Variants in IGF1R observed in about 807,000 individuals in gnomAD.
IGF1R encodes insulin-like growth factor 1 receptor.
Under a neutral mutation model 144.6 loss-of-function variants are expected in IGF1R, and 44 were observed. The ratio of observed to expected loss-of-function variants is 0.30; its 90% CI spans 0.24 to 0.39. The LOEUF (loss-of-function observed/expected upper bound fraction) is 0.39, where lower values mean the gene tolerates loss of function less well. Ranked by LOEUF, IGF1R falls within the 10% of genes least tolerant of loss-of-function variation. IGF1R has a pLI of 1.00. For missense variants in IGF1R, 1,355 were observed against 1,833.7 expected (o/e 0.74, Z 4.77); for synonymous variants, 795 against 722.8 (o/e 1.10, Z -1.60).
intron 12 of IGF1R, among the ~76,000 whole-genome samples, 171 bp downstream of exon 12, chr15:98,924,183 A>G (rs1412313021): frequency 6.6e-6 from 1 of 152,258 alleles, no homozygotes; most frequent in African/African-American, 2.4e-5. Context: ...TCCAAGGAGT[A>G]CTGCATAGTG....
chr15:98,668,021 T>G (rs544909691), intron 1 of IGF1R, among the ~76,000 whole-genome samples: 1 of 152,234 alleles, frequency 6.6e-6, no homozygotes, highest in East Asian at 1.9e-4. Flanking sequence ...CACAGACTTA[T>G]GTTTCTCACA....
rs1006767897 is a variant in IGF1R, at chr15:98,704,084, C to T, written c.95-3478C>T. On this transcript the variant is annotated intron_variant, in intron 1 of 20. Transcript: ENST00000650285. This position sits in a 1 kb window ranked among gnomAD's most constrained non-coding sequence, Gnocchi z 4.9. ...CCAGGGGAAAAAAGACCCTCCCGGCCCCCTTCAGCTGTGATGTGTCTTTTC... is the reference window on the plus strand; with the variant it reads ...CCAGGGGAAAAAAGACCCTCCCGGCTCCCTTCAGCTGTGATGTGTCTTTTC... 2.0e-4 allele frequency among the ~76,000 whole-genome samples: 30 copies of T among 152,168 alleles called. No homozygotes were observed. The highest frequency in any genetic ancestry group is 7.0e-4 in the African/African-American group (29 of 41,444).
At chr15:98,824,781 TCTC>T (rs1168209059) in intron 2 of IGF1R, among the ~76,000 whole-genome samples, 3 of 152,204 alleles carry the variant, frequency 2.0e-5, no homozygotes, top group Non-Finnish European at 2.9e-5. Flanking sequence ...CTGCAGTCAC[TCTC>T]CTAAGACTTG....
In IGF1R at chr15:98,943,161, A is replaced by C. The variant is rs2151719404; in HGVS notation, c.3587+109A>C. 5.4e-6 allele frequency: 7 copies of C among 1,301,560 alleles called. No individual in the cohort carries two copies. In the South Asian group the frequency reaches 7.2e-5, roughly 13 times the overall value. 80.6% of individuals were successfully genotyped at this position (1,301,560 alleles called of 1,614,324 possible). A position where few individuals can be genotyped will look rare whatever the true frequency, so the allele number is the denominator to read the frequency against. The stretch of plus-strand genomic sequence containing the variant: ...TCTCTGTTCATTGTTACCCGTTGCC[A>C]GCTTTAGCTCAGTGTTGTGTGAGCC... On this transcript the variant is annotated intron_variant, in intron 19 of 20. Coordinates refer to ENST00000650285, the MANE Select transcript of IGF1R (RefSeq NM_000875.5).
intron 1 of IGF1R, among the ~76,000 whole-genome samples, chr15:98,688,580 G>A (rs1024649594): frequency 6.6e-6 from 1 of 152,184 alleles, no homozygotes; most frequent in African/African-American, 2.4e-5. Flanking sequence ...TAGACAGCAT[G>A]AGACCAGAGC....
intron 1 of IGF1R, among the ~76,000 whole-genome samples, chr15:98,706,977 A>G (rs545898451): frequency 4.3e-4 from 66 of 152,262 alleles, no homozygotes; most frequent in South Asian, 2.7e-3. Context: ...ACATTAATGC[A>G]CGTGTGGAGA....
Position 98,649,190 on chromosome 15 carries a change from A to G in IGF1R, c.-392A>G, listed in dbSNP as rs1277129449. ...GCGTCCGGCCGCCTCCCGCGCGGCC[A>G]GGGCCGGGCTTGTTTTTCCTCGCCT... is the stretch of plus-strand genomic sequence containing the variant. On this transcript the variant is annotated 5_prime_UTR_variant, in exon 1 of 21. Transcript: ENST00000650285. The G allele has an allele frequency of 4.6e-6, 1 of 218,900 alleles. No individual in the cohort carries two copies. Among genetic ancestry groups the G allele is most frequent in the Non-Finnish European group, 9.2e-6 (1 of 109,054 alleles). The allele number at this position is 218,900 out of a possible 1,614,324, so 13.6% of individuals were successfully genotyped here.
intron 2 of IGF1R, among the ~76,000 whole-genome samples, chr15:98,802,599 A>G (rs556773566): frequency 6.6e-6 from 1 of 152,244 alleles, no homozygotes; most frequent in Non-Finnish European, 1.5e-5. Context: ...GGTTGCTTGT[A>G]TGCACGAATT....
At chr15:98,841,427 A>C (rs2684775) in intron 2 of IGF1R, among the ~76,000 whole-genome samples, 1 of 152,226 alleles carries the variant, frequency 6.6e-6, no homozygotes, top group African/African-American at 2.4e-5. Flanking sequence ...AAGTTTTTAG[A>C]ATAGTACCTG....
intron 2 of IGF1R, among the ~76,000 whole-genome samples, chr15:98,826,248 T>TA (rs1385635383): frequency 5.9e-5 from 9 of 152,354 alleles, no homozygotes; most frequent in Admixed American, 5.9e-4. Context: ...TCTAAATATT[T>TA]AAAAACCAAA....
intron 2 of IGF1R, among the ~76,000 whole-genome samples, chr15:98,746,199 A>G (rs548227215): frequency 6.6e-6 from 1 of 152,308 alleles, no homozygotes; most frequent in South Asian, 2.1e-4. Flanking sequence ...TAGAAGGGAA[A>G]CCAAGTAACT....
chr15:98,883,400 A>G (rs113677916), intron 2 of IGF1R, among the ~76,000 whole-genome samples: 3 of 152,318 alleles, frequency 2.0e-5, no homozygotes, highest in African/African-American at 7.2e-5. Context: ...GTGTATGTGC[A>G]GCATTTGGTT....
At chr15:98,851,369 A>C (rs2011520876) in intron 2 of IGF1R, among the ~76,000 whole-genome samples, 1 of 152,170 alleles carries the variant, frequency 6.6e-6, no homozygotes. Flanking sequence ...TTACGTTTTC[A>C]GCTTGGACAG....
At chr15:98,672,527 G>A (rs1401334543) in intron 1 of IGF1R, among the ~76,000 whole-genome samples, 1 of 143,850 alleles carries the variant, frequency 7.0e-6, no homozygotes, top group African/African-American at 2.6e-5. Flanking sequence ...ACAAGATGGC[G>A]CCATTGCACT....
Position 98,841,841 on chromosome 15 carries a change from G to A in IGF1R, c.641-49484G>A, listed in dbSNP as rs570780287. ...GGAACATGGAGCACCACTCTCCCCT[G>A]TGCTGATACACTTACAAAGAAGTTC... On this transcript the variant is annotated intron_variant, in intron 2 of 20. Coordinates refer to ENST00000650285, the MANE Select transcript of IGF1R (RefSeq NM_000875.5). 3.9e-5 allele frequency among the ~76,000 whole-genome samples: 6 copies of A among 152,296 alleles called. No homozygotes were observed. In the East Asian group the frequency reaches 7.7e-4, roughly 20 times the overall value.
At chr15:98,701,369 T>C (rs1487995826) in intron 1 of IGF1R, among the ~76,000 whole-genome samples, 17 of 141,858 alleles carry the variant, frequency 1.2e-4, no homozygotes, top group Admixed American at 7.3e-4. Flanking sequence ...TGGAGTCTCG[T>C]TCTGTCACCC....
At chr15:98,880,156 A>G (rs1949069073) in intron 2 of IGF1R, among the ~76,000 whole-genome samples, 1 of 152,216 alleles carries the variant, frequency 6.6e-6, no homozygotes, top group South Asian at 2.1e-4. Flanking sequence ...ATTGTAAAAA[A>G]TGTGTGAAGG....
intron 2 of IGF1R, among the ~76,000 whole-genome samples, chr15:98,831,304 T>C (rs971024451): frequency 6.6e-6 from 1 of 152,230 alleles, no homozygotes; most frequent in East Asian, 1.9e-4. Flanking sequence ...ATTTTCACTT[T>C]CTCTCCACCA....
rs546421155 is a variant in IGF1R at position 98,836,024 on chromosome 15, C to A, written c.641-55301C>A. On this transcript the variant is annotated intron_variant, in intron 2 of 20. Transcript: ENST00000650285. ...GCATGACTTCTTCATTCATGTTCTTCCATCACTCTCCATTCAGTTAGAATC... is the reference window on the plus strand; with the variant it reads ...GCATGACTTCTTCATTCATGTTCTTACATCACTCTCCATTCAGTTAGAATC... Among the ~76,000 whole-genome samples, 258 of 152,274 alleles carry A rather than the reference C, an allele frequency of 1.7e-3. 1 individual carries two copies. The highest frequency in any genetic ancestry group is 6.1e-3 in the African/African-American group (254 of 41,544).
Sources: gnomAD v4.1 joint callset for allele counts (sites outside exome capture counted in the v4.1 genomes callset) on GRCh38, gnomAD v4.1.1 for gene constraint, Gnocchi (gnomAD v3.1) non-coding constraint, MANE v1.5 for transcripts, NCBI Gene and HGNC (gene_info 2026-07-23, HGNC 2026-07-21) for gene names.